Variants in CDH20 observed in about 807,000 individuals in gnomAD.
The protein encoded by CDH20 is cadherin-20.
In CDH20, 29 loss-of-function variants were observed where a neutral mutation model predicts 74.2. The ratio of observed to expected loss-of-function variants is 0.39; its 90% CI spans 0.29 to 0.53. The LOEUF is 0.53. Among genes scored for constraint, CDH20 ranks in the 20% least tolerant of loss-of-function variants. The pLI, the probability that CDH20 is intolerant of heterozygous loss-of-function variation, is 0.69. For synonymous variants in CDH20, 469 were observed against 405.4 expected (o/e 1.16, Z -1.88); for missense variants, 988 against 1,048.3 (o/e 0.94, Z 0.79).
At chr18:61,427,612 A>G (rs1363571643) in intron 1 of CDH20, among the ~76,000 whole-genome samples, 1 of 152,258 alleles carries the variant, frequency 6.6e-6, no homozygotes, top group Non-Finnish European at 1.5e-5. Context: ...AAGATGAAAT[A>G]CTAAAATAAG....
At chr18:61,486,116 G>A (rs7233682) in intron 1 of CDH20, among the ~76,000 whole-genome samples, 55,545 of 152,070 alleles carry the variant, frequency 0.37, 10,382 homozygotes, top group South Asian at 0.5. Context: ...TTACTTAGGA[G>A]TTAAAATCCT....
intron 1 of CDH20, among the ~76,000 whole-genome samples, chr18:61,402,200 T>C (rs1912177264): frequency 6.6e-6 from 1 of 152,186 alleles, no homozygotes; most frequent in African/African-American, 2.4e-5. Flanking sequence ...GAAAGCATTC[T>C]GGTGCTGATG....
intron 1 of CDH20, among the ~76,000 whole-genome samples, chr18:61,464,333 C>A (rs1394459806): frequency 6.6e-6 from 1 of 151,718 alleles, no homozygotes; most frequent in Non-Finnish European, 1.5e-5. Context: ...AAAAAGTTAA[C>A]ATATTGCACA....
chr18:61,537,006 C>T (rs1355110411), intron 8 of CDH20, among the ~76,000 whole-genome samples: 1 of 152,094 alleles, frequency 6.6e-6, no homozygotes, highest in African/African-American at 2.4e-5. Context: ...ACATATCACT[C>T]TTATTATACA....
chr18:61,515,425 G>C (rs554085932), intron 6 of CDH20, among the ~76,000 whole-genome samples: 1 of 152,044 alleles, frequency 6.6e-6, no homozygotes, highest in African/African-American at 2.4e-5. Context: ...AGATGAACCC[G>C]GTACCTCAGA....
rs748460443 is a variant in CDH20 at position 61,554,553 on chromosome 18, C to G, written c.2264C>G (p.Ser755Cys). 6.2e-7 allele frequency: 1 copy of G among 1,612,730 alleles called. No homozygotes were observed. Among genetic ancestry groups the G allele is most frequent in the African/African-American group, 1.3e-5 (1 of 74,928 alleles). ...LQTYMFEGDGSVAGSLSSLQS... is the reference protein window; with the variant it reads ...LQTYMFEGDGCVAGSLSSLQS... ...ACGTATATGTTCGAGGGGGACGGCT[C>G]TGTGGCGGGGTCGCTGAGCTCCCTG... The change falls in exon 12 of 12, where the codon TCT (serine) becomes TGT (cysteine). Residue 755 changes from serine to cysteine, a missense_variant. Transcript: ENST00000262717.
intron 9 of CDH20, among the ~76,000 whole-genome samples, chr18:61,540,892 G>A (rs1477632702): frequency 6.6e-6 from 1 of 152,204 alleles, no homozygotes; most frequent in Non-Finnish European, 1.5e-5. Flanking sequence ...GAAGAAAGAT[G>A]TTCCATCACG....
chr18:61,422,420 T>G (rs1049428998), intron 1 of CDH20, among the ~76,000 whole-genome samples: 4 of 152,186 alleles, frequency 2.6e-5, no homozygotes, highest in African/African-American at 9.6e-5. Context: ...AAAATAATGT[T>G]GCTACAGGGC....
intron 1 of CDH20, among the ~76,000 whole-genome samples, chr18:61,355,502 G>A (rs184460616): frequency 6.6e-6 from 1 of 152,330 alleles, no homozygotes; most frequent in East Asian, 1.9e-4. Flanking sequence ...ACTTGAGAAA[G>A]TTGTTCAACA....
At chr18:61,403,172 T>G (rs753060843) in intron 1 of CDH20, among the ~76,000 whole-genome samples, 2 of 152,186 alleles carry the variant, frequency 1.3e-5, no homozygotes, top group Non-Finnish European at 2.9e-5. Context: ...GGGAAACAAT[T>G]ATGAACTCAG....
chr18:61,343,975 G>A (rs1910036654), intron 1 of CDH20, among the ~76,000 whole-genome samples: 1 of 152,150 alleles, frequency 6.6e-6, no homozygotes, highest in Non-Finnish European at 1.5e-5. Context: ...TGACTGGCCT[G>A]TAGGAGTCTG....
At chr18:61,467,004 G>C (rs1448701054) in intron 1 of CDH20, among the ~76,000 whole-genome samples, 1 of 152,170 alleles carries the variant, frequency 6.6e-6, no homozygotes, top group African/African-American at 2.4e-5. Flanking sequence ...TCCTGTTCCA[G>C]TTTCAGCCTG....
chr18:61,428,514 G>C (rs1159500972), intron 1 of CDH20, among the ~76,000 whole-genome samples: 2 of 152,142 alleles, frequency 1.3e-5, no homozygotes, highest in African/African-American at 4.8e-5. Flanking sequence ...GTGATAATGA[G>C]GGTCTTGCTG....
At chr18:61,446,926 G>A (rs1008430400) in intron 1 of CDH20, among the ~76,000 whole-genome samples, 2 of 152,196 alleles carry the variant, frequency 1.3e-5, no homozygotes, top group African/African-American at 4.8e-5. Flanking sequence ...CCAAGTAATT[G>A]TGTTACATCC....
chr18:61,370,550 C>T (rs1383257787), intron 1 of CDH20, among the ~76,000 whole-genome samples: 1 of 152,046 alleles, frequency 6.6e-6, no homozygotes, highest in Admixed American at 6.6e-5. Context: ...TTGGTAAACA[C>T]ATACATTGTG....
chr18:61,389,197 C>T (rs1042433864), intron 1 of CDH20, among the ~76,000 whole-genome samples: 11 of 152,222 alleles, frequency 7.2e-5, no homozygotes, highest in African/African-American at 2.4e-4. Flanking sequence ...ACCTTTCATA[C>T]GAAGAAAATA....
At chr18:61,433,206 T>C (rs1292725028) in intron 1 of CDH20, among the ~76,000 whole-genome samples, 1 of 152,194 alleles carries the variant, frequency 6.6e-6, no homozygotes, top group Non-Finnish European at 1.5e-5. Context: ...AATGTATATA[T>C]ATCACCAATC....
chr18:61,373,766 C>A (rs780636110), intron 1 of CDH20, among the ~76,000 whole-genome samples: 5 of 152,150 alleles, frequency 3.3e-5, no homozygotes, highest in African/African-American at 7.2e-5. Flanking sequence ...CCAACTGAGA[C>A]CCCACCAGAT....
chr18:61,520,037 C>T (rs985314486), intron 6 of CDH20, among the ~76,000 whole-genome samples: 3 of 150,444 alleles, frequency 2.0e-5, no homozygotes, highest in Non-Finnish European at 4.4e-5. Context: ...GACAAAAAGG[C>T]CAGGCGTGGT....
Sources: allele counts gnomAD v4.1 joint callset (sites outside exome capture counted in the v4.1 genomes callset), GRCh38; gene constraint gnomAD v4.1.1; transcripts MANE v1.5; gene names NCBI Gene and HGNC (gene_info 2026-07-23, HGNC 2026-07-21).